The following TOM1L1 variants were observed in gnomAD, a reference collection of about 807,000 sequenced individuals.
The protein encoded by TOM1L1 is TOM1-like protein 1.
In TOM1L1, 64 loss-of-function variants were observed where a neutral mutation model predicts 63.4. The observed-to-expected ratio is 1.01, with a 90% CI of 0.83 to 1.24. TOM1L1 has a LOEUF of 1.24. TOM1L1 is among the 50% of genes most tolerant of loss of function. TOM1L1 has a pLI of 0.00. For synonymous variants in TOM1L1, 166 were observed against 194.4 expected (o/e 0.85, Z 1.22); for missense variants, 536 against 567.0 (o/e 0.95, Z 0.55).
chr17:54,947,158 A>G, intron 11 of TOM1L1, 103 bp from the exon 12 acceptor site: 2 of 1,061,486 alleles, frequency 1.9e-6, no homozygotes, highest in Non-Finnish European at 2.9e-6. Context: ...TGCAGTCTGA[A>G]GGTACCTTTT....
intron 14 of TOM1L1, chr17:54,954,821 G>C (rs1455419443): frequency 6.6e-6 from 1 of 152,216 alleles, no homozygotes; most frequent in Non-Finnish European, 1.5e-5. Flanking sequence ...GGTTTTGATA[G>C]AGGGCCATAA....
At chr17:54,942,160 G>A (rs906688065) in intron 11 of TOM1L1, 5 of 151,912 alleles carry the variant, frequency 3.3e-5, no homozygotes, top group South Asian at 2.1e-4. Context: ...GCCGTAGTTC[G>A]ATTTTGGCCA....
chr17:54,901,126 C>G (rs979062088), intron 1 of TOM1L1: 1 of 677,874 alleles, frequency 1.5e-6, no homozygotes, highest in South Asian at 1.9e-5. Context: ...TGTAGAACCT[C>G]AGTCCTCAAA....
chr17:54,920,280 A>G (rs1185668561), intron 7 of TOM1L1, among the ~76,000 whole-genome samples: 1 of 152,174 alleles, frequency 6.6e-6, no homozygotes, highest in Admixed American at 6.5e-5. Flanking sequence ...AAGGAGTACA[A>G]CTGTAAAGAA....
chr17:54,956,531 C>T (rs2049512735), intron 14 of TOM1L1, among the ~76,000 whole-genome samples: 1 of 152,284 alleles, frequency 6.6e-6, no homozygotes, highest in Middle Eastern at 3.4e-3. Context: ...TGGTCTCGAA[C>T]TCTTGGTCTC....
At chr17:54,906,257 T>C (rs1327475557) in intron 3 of TOM1L1, among the ~76,000 whole-genome samples, 4 of 152,010 alleles carry the variant, frequency 2.6e-5, no homozygotes, top group Non-Finnish European at 4.4e-5. Flanking sequence ...TCACCTGAGG[T>C]CAGAAGTTCG....
chr17:54,945,485 G>A (rs1007120059), intron 11 of TOM1L1, among the ~76,000 whole-genome samples: 8 of 152,108 alleles, frequency 5.3e-5, no homozygotes, highest in African/African-American at 1.9e-4. Flanking sequence ...CTCTCCTGCT[G>A]GAACCCTGAT....
intron 3 of TOM1L1, chr17:54,906,803 A>G (rs2048418602): frequency 1.4e-5 from 14 of 985,244 alleles, no homozygotes; most frequent in African/African-American, 1.7e-5. Context: ...TGTCCTTTTT[A>G]CTTTAGTATG....
At chr17:54,914,471 A>C (rs1438261517) in intron 5 of TOM1L1, among the ~76,000 whole-genome samples, 168 bp from the exon 6 acceptor site, 1 of 152,030 alleles carries the variant, frequency 6.6e-6, no homozygotes, top group African/African-American at 2.4e-5. Context: ...TCATTTGCTT[A>C]GCATTCTTCA....
chr17:54,934,297 C>T (rs975291260), intron 8 of TOM1L1, among the ~76,000 whole-genome samples: 1 of 152,192 alleles, frequency 6.6e-6, no homozygotes, highest in Admixed American at 6.5e-5. Flanking sequence ...TAAAATTTGC[C>T]TGACGCAGTT....
Position 54,905,459 on chromosome 17 carries a change from T to C in TOM1L1, c.144-30T>C, listed in dbSNP as rs2048394155. On this transcript the variant is annotated intron_variant, in intron 2 of 15. Coordinates refer to ENST00000575882, the MANE Select transcript of TOM1L1 (RefSeq NM_005486.3). ...CTGCTTGTTTTCAGCAATGCCTAAA[T>C]TGGTGATTTCAGTGTATTTATTGCT... 3 of 1,477,260 alleles carry C rather than the reference T, an allele frequency of 2.0e-6. No homozygotes were observed. The South Asian group carries it at 3.5e-5, about 17-fold the overall frequency. 91.5% of individuals were successfully genotyped at this position (1,477,260 alleles called of 1,614,324 possible). A position where few individuals can be genotyped will look rare whatever the true frequency, so the allele number is the denominator to read the frequency against.
At chr17:54,937,388 C>A in intron 10 of TOM1L1, 162 bp downstream of exon 10, 1 of 631,472 alleles carries the variant, frequency 1.6e-6, no homozygotes, top group Non-Finnish European at 2.8e-6. Context: ...ATGGTTGAGT[C>A]AAACCCAGTA....
intron 8 of TOM1L1, among the ~76,000 whole-genome samples, chr17:54,932,601 A>G (rs1323525823): frequency 1.3e-5 from 2 of 152,132 alleles, no homozygotes; most frequent in Non-Finnish European, 2.9e-5. Flanking sequence ...TTGTATTTTT[A>G]GTAGAAACGG....
intron 12 of TOM1L1, among the ~76,000 whole-genome samples, chr17:54,949,032 A>G (rs1400409576): frequency 6.6e-6 from 1 of 152,140 alleles, no homozygotes; most frequent in African/African-American, 2.4e-5. Flanking sequence ...AGACAAAAAT[A>G]TAGTAAATTC....
intron 8 of TOM1L1, chr17:54,930,459 CT>C: frequency 2.8e-6 from 1 of 362,980 alleles, no homozygotes. Context: ...AATCTCAGCA[CT>C]TTTGGAGGCC....
chr17:54,931,963 TGTTTGTTTG>T (rs2048868775), intron 8 of TOM1L1, among the ~76,000 whole-genome samples: 1 of 81,164 alleles, frequency 1.2e-5, no homozygotes, highest in African/African-American at 4.7e-5. Context: ...TTTTTTTGTT[TGTTTGTTTG>T]TTTGTTTTTT....
intron 7 of TOM1L1, among the ~76,000 whole-genome samples, chr17:54,927,947 T>C (rs564571139): frequency 6.6e-6 from 1 of 152,348 alleles, no homozygotes; most frequent in African/African-American, 2.4e-5. Flanking sequence ...GGGCTGTTGA[T>C]GTTGGCTTCA....
intron 12 of TOM1L1, 91 bp downstream of exon 12, chr17:54,947,403 G>A (rs1486151669): frequency 2.1e-6 from 3 of 1,437,576 alleles, no homozygotes; most frequent in Non-Finnish European, 2.9e-6. Context: ...CCCATGTTCT[G>A]CTCAGTATTG....
rs375647656 is a variant in TOM1L1, at chr17:54,927,264, T to C, written c.721-2809T>C. On this transcript the variant is annotated intron_variant, in intron 7 of 15. Transcript: ENST00000575882. ...ATGTTATGGGCTGATAATAGGGATA[T>C]TGCCATACAGATAGTATTTCCAGAG... 2.6e-5 allele frequency among the ~76,000 whole-genome samples: 4 copies of C among 152,224 alleles called. No individual in the cohort carries two copies. In the East Asian group the frequency reaches 5.8e-4, roughly 22 times the overall value.
Sources: allele counts gnomAD v4.1 joint callset (sites outside exome capture counted in the v4.1 genomes callset), GRCh38; gene constraint gnomAD v4.1.1; transcripts MANE v1.5; gene names NCBI Gene and HGNC (gene_info 2026-07-23, HGNC 2026-07-21).